Variants in NUCB1 observed in about 807,000 individuals in gnomAD.
NUCB1 encodes the protein nucleobindin 1, also known as nucleobindin-1.
In NUCB1, 47 loss-of-function variants were observed where a neutral mutation model predicts 61.2. The observed-to-expected ratio is 0.77, with a 90% CI of 0.61 to 0.98. NUCB1 has a LOEUF of 0.98. Among genes scored for constraint, NUCB1 ranks in the 50% least tolerant of loss-of-function variants. The pLI, the probability that NUCB1 is intolerant of heterozygous loss-of-function variation, is 0.00. For missense variants in NUCB1, 583 were observed against 605.3 expected, an observed-to-expected ratio of 0.96 and a Z score of 0.39; for synonymous variants, 234 against 243.1, an observed-to-expected ratio of 0.96 and a Z score of 0.35.
chr19:48,922,556 A>G lies in NUCB1; in HGVS notation c.*132A>G. 1.5e-6 allele frequency: 1 copy of G among 671,660 alleles called. No homozygotes were observed. Among genetic ancestry groups the G allele is most frequent in the Non-Finnish European group, 2.6e-6 (1 of 384,784 alleles). 41.6% of individuals were successfully genotyped at this position (671,660 alleles called of 1,614,324 possible). On this transcript the variant is annotated 3_prime_UTR_variant, in exon 13 of 13. Coordinates refer to ENST00000405315, the MANE Select transcript of NUCB1 (RefSeq NM_006184.6). Reference sequence around the variant, plus strand: ...TCCTGGGGCGGGGGCACGGCCTGGCATTTCACGCATTGCTGCCACCCCAGG... The same window carrying G: ...TCCTGGGGCGGGGGCACGGCCTGGCGTTTCACGCATTGCTGCCACCCCAGG...
chr19:48,913,029 C>T lies in NUCB1; in HGVS notation c.499C>T (p.Gln167Ter), dbSNP rs752738587. The T allele has an allele frequency of 1.2e-6, 2 of 1,611,532 alleles. No homozygotes were observed. Among genetic ancestry groups the T allele is most frequent in the South Asian group, 2.2e-5 (2 of 90,890 alleles). The change falls in exon 6 of 13, where the codon CAG (glutamine) becomes TAG (stop). Residue 167 changes from glutamine to a stop codon, truncating the protein, a stop_gained. Transcript: ENST00000405315. LOFTEE classifies it high-confidence loss of function. ...LIQTATRDLA[Q>*]YDAAHHEEFK... ...TCCCCAGGCCACCCGGGACCTTGCC[C>T]AGTACGACGCAGCCCATCATGAAGA...
chr19:48,921,158 T>G lies in NUCB1; in HGVS notation c.1007T>G (p.Val336Gly), dbSNP rs1039825919. ...FGDTGEGWET[V>G]EMHPAYTEEE... Reference sequence around the variant, plus strand: ...GCCCCTGTGCCTGCCCTGCAGACAGTGGAGATGCACCCTGCCTACACCGAG... The same window carrying G: ...GCCCCTGTGCCTGCCCTGCAGACAGGGGAGATGCACCCTGCCTACACCGAG... The change falls in exon 11 of 13, where the codon GTG (valine) becomes GGG (glycine). Residue 336 changes from valine (V) to glycine (G), a missense_variant. Physicochemically the swap from Val to Gly is moderately radical, Grantham distance 109. Coordinates refer to ENST00000405315, the MANE Select transcript of NUCB1 (RefSeq NM_006184.6). 3 of 1,606,374 alleles carry G rather than the reference T, an allele frequency of 1.9e-6. No homozygotes were observed. The highest frequency in any genetic ancestry group is 2.6e-6 in the Non-Finnish European group (3 of 1,175,146).
At chr19:48,901,466 A>G (rs528872737) in intron 2 of NUCB1, among the ~76,000 whole-genome samples, 1 of 152,274 alleles carries the variant, frequency 6.6e-6, no homozygotes, top group South Asian at 2.1e-4. Flanking sequence ...AGCTCCCCAT[A>G]AGGATAGGCT....
intron 3 of NUCB1, among the ~76,000 whole-genome samples, chr19:48,905,350 T>G (rs976960975): frequency 6.6e-6 from 1 of 152,138 alleles, no homozygotes; most frequent in Non-Finnish European, 1.5e-5. Context: ...CACTGAACCC[T>G]CGTATCAGGA....
rs1021676401 is a variant in NUCB1 at position 48,909,567 on chromosome 19, G to A, written c.377-1582G>A. Among the ~76,000 whole-genome samples the A allele has an allele frequency of 2.2e-4, 33 of 151,638 alleles. No individual in the cohort carries two copies. The Admixed American group carries it at 2.2e-3, about 10-fold the overall frequency. On this transcript the variant is annotated intron_variant, in intron 4 of 12. Coordinates refer to ENST00000405315, the MANE Select transcript of NUCB1 (RefSeq NM_006184.6). ...CGGCCTATTATTATTTTGAGACAGG[G>A]TTTCACTTCTATCCTCCAGGCTAGA...
chr19:48,917,498 ATT>A (rs34434500), intron 7 of NUCB1, among the ~76,000 whole-genome samples: 1 of 149,066 alleles, frequency 6.7e-6, no homozygotes, highest in East Asian at 2.0e-4. Context: ...CAATTTTTAA[ATT>A]TTTTTTTTCT....
At chr19:48,900,648 C>T (rs1600046769) in intron 1 of NUCB1, 138 bp from the exon 2 acceptor site, 1 of 1,215,278 alleles carries the variant, frequency 8.2e-7, no homozygotes, top group East Asian at 2.4e-5. Context: ...GCCTGGAATC[C>T]TGGGGCCTGG....
chr19:48,905,909 G>GGGGGGGC, intron 4 of NUCB1, 24 bp downstream of exon 4: 1 of 496,800 alleles, frequency 2.0e-6, no homozygotes, highest in Non-Finnish European at 4.0e-6. Context: ...GGGCGGGAGG[G>GGGGGGGC]ACAGGCAGGG....
intron 4 of NUCB1, among the ~76,000 whole-genome samples, chr19:48,910,596 A>G (rs1271098661): frequency 6.6e-6 from 1 of 151,490 alleles, no homozygotes; most frequent in Non-Finnish European, 1.5e-5. Context: ...GGGCTGAGGC[A>G]GGAGGATTGC....
chr19:48,913,191 G>A lies in NUCB1; in HGVS notation c.661G>A (p.Val221Met). Residue 221 changes from valine to methionine, a missense_variant, in exon 6 of 13, where the codon GTG becomes ATG. Transcript: ENST00000405315. ...GCACCGCGAGCACCCTAAAGTCAAC[G>A]TGCCTGTGAGGACCCCATTTGTGCC... ...RRHREHPKVN[V>M]PGSQAQLKEV... The A allele has an allele frequency of 6.2e-7, 1 of 1,610,942 alleles. No individual in the cohort carries two copies. The highest frequency in any genetic ancestry group is 8.5e-7 in the Non-Finnish European group (1 of 1,178,762).
rs2387579 is a variant in NUCB1, at chr19:48,913,199, G to A, written c.666+3G>A. On this transcript the variant is annotated splice_donor_region_variant and intron_variant, in intron 6 of 12. Transcript: ENST00000405315. ...AGCACCCTAAAGTCAACGTGCCTGTGAGGACCCCATTTGTGCCCATCCACT... is the reference window on the plus strand; with the variant it reads ...AGCACCCTAAAGTCAACGTGCCTGTAAGGACCCCATTTGTGCCCATCCACT... The A allele has an allele frequency of 0.54, 873,797 of 1,607,772 alleles. 240,509 individuals are homozygous for A. Among genetic ancestry groups the A allele is most frequent in the East Asian group, 0.71 (32,007 of 44,804 alleles).
At chr19:48,918,230 C>T (rs370893343) in intron 7 of NUCB1, 2 of 153,082 alleles carry the variant, frequency 1.3e-5, no homozygotes, top group African/African-American at 4.8e-5. Context: ...TGGCCTCCTC[C>T]TCAGGAGGAA....
intron 2 of NUCB1, 104 bp downstream of exon 2, chr19:48,901,035 C>T: frequency 1.4e-6 from 2 of 1,380,416 alleles, no homozygotes; most frequent in Non-Finnish European, 2.0e-6. Flanking sequence ...CTTCCTGGCC[C>T]TACAGTTGTA....
rs899485107 is a variant in NUCB1 at position 48,916,616 on chromosome 19, T to C, written c.758-2110T>C. Among the ~76,000 whole-genome samples, 3 of 149,530 alleles carry C rather than the reference T, an allele frequency of 2.0e-5. No homozygotes were observed. In the Admixed American group the frequency reaches 2.0e-4, roughly 10 times the overall value. ...GCCTGGGCAACAGAGTGAAACCCTG[T>C]CTCTAAAAAATAGAAAATAGGCTGG... On this transcript the variant is annotated intron_variant, in intron 7 of 12. Transcript: ENST00000405315.
intron 7 of NUCB1, among the ~76,000 whole-genome samples, chr19:48,916,006 AC>A (rs1420631383): frequency 1.3e-5 from 2 of 151,998 alleles, no homozygotes; most frequent in Non-Finnish European, 2.9e-5. Context: ...CTGTCATGCA[AC>A]CAATTCTGAG....
At chr19:48,912,019 C>CT (rs60333122) in intron 5 of NUCB1, among the ~76,000 whole-genome samples, 13,520 of 128,566 alleles carry the variant, frequency 0.11, 978 homozygotes, top group Non-Finnish European at 0.15. Flanking sequence ...TTTATTTTTA[C>CT]TTTTTTTTTT....
chr19:48,916,046 T>C (rs1334865868), intron 7 of NUCB1, among the ~76,000 whole-genome samples: 1 of 152,140 alleles, frequency 6.6e-6, no homozygotes, highest in African/African-American at 2.4e-5. Flanking sequence ...ACCGAAACCG[T>C]ATCCATTAAA....
intron 2 of NUCB1, among the ~76,000 whole-genome samples, chr19:48,901,855 G>A (rs769448518): frequency 2.6e-5 from 4 of 152,228 alleles, no homozygotes; most frequent in Non-Finnish European, 4.4e-5. Flanking sequence ...CACGCTGCAA[G>A]TTAGGCCTCT....
rs745637717 is a variant in NUCB1 at position 48,913,506 on chromosome 19, G to A, written c.699G>A (p.Glu233=). The A allele has an allele frequency of 3.0e-5, 49 of 1,614,078 alleles. No individual in the cohort carries two copies. Among genetic ancestry groups the A allele is most frequent in the Non-Finnish European group, 4.1e-5 (48 of 1,180,034 alleles). Residue 233 remains glutamate (E), a synonymous_variant, in exon 7 of 13, where the codon GAG becomes GAA. Coordinates refer to ENST00000405315, the MANE Select transcript of NUCB1 (RefSeq NM_006184.6). ...GSQAQLKEVW[E]ELDGLDPNRF... ...AAGCCCAGTTGAAGGAGGTGTGGGAGGAGCTGGATGGACTGGACCCCAACA... is the reference window on the plus strand; with the variant it reads ...AAGCCCAGTTGAAGGAGGTGTGGGAAGAGCTGGATGGACTGGACCCCAACA...
Sources: gnomAD v4.1 joint callset for allele counts (sites outside exome capture counted in the v4.1 genomes callset) on GRCh38, gnomAD v4.1.1 for gene constraint, MANE v1.5 for transcripts, NCBI Gene and HGNC (gene_info 2026-07-23, HGNC 2026-07-21) for gene names.